Variants in MIIP observed in about 807,000 individuals in gnomAD.
MIIP encodes migration and invasion inhibitory protein.
Under a neutral mutation model 44.8 loss-of-function variants are expected in MIIP, and 44 were observed. That is an observed-to-expected ratio of 0.98 (90% CI 0.77 to 1.26). The LOEUF (loss-of-function observed/expected upper bound fraction) is 1.26, where lower values mean the gene tolerates loss of function less well. MIIP is among the 50% of genes most tolerant of loss of function. MIIP has a pLI of 0.00. For synonymous variants in MIIP, 225 were observed against 218.3 expected, an observed-to-expected ratio of 1.03 and a Z score of -0.27; for missense variants, 496 against 511.7, an observed-to-expected ratio of 0.97 and a Z score of 0.30.
Position 12,030,097 on chromosome 1 carries a change from C to T in MIIP, c.915C>T (p.Asp305=), listed in dbSNP as rs74797667. ...RYHIHRRKSF[D]ASDTLALPRH... is the part of the protein sequence containing the mutation. ...ACATCCACCGGCGAAAGAGCTTTGA[C>T]GCCTCTGACACACTGGCCCTGCCCC... The change falls in exon 8 of 10, where the codon GAC becomes GAT. Residue 305 remains aspartate (D), a synonymous_variant. Transcript: ENST00000235332. 1.4e-3 allele frequency: 2,319 copies of T among 1,613,104 alleles called. 46 individuals carry two copies. The East Asian group carries it at 0.035, about 25-fold the overall frequency.
intron 1 of MIIP, among the ~76,000 whole-genome samples, 193 bp downstream of exon 1, chr1:12,019,745 G>T (rs1639929778): frequency 6.6e-6 from 1 of 152,286 alleles, no homozygotes; most frequent in African/African-American, 2.4e-5. Flanking sequence ...CTGGAGCGTC[G>T]CTTTCCCGGT....
Position 12,025,938 on chromosome 1 carries a change from T to A in MIIP, c.547+3021T>A, listed in dbSNP as rs148291132. Among the ~76,000 whole-genome samples, 3 of 151,942 alleles carry A rather than the reference T, an allele frequency of 2.0e-5. No homozygotes were observed. The East Asian group carries it at 5.9e-4, about 30-fold the overall frequency. ...GTCTCGAACTCCTGACCTCAGGTGATCTGCCCGCCTTGGCCTCCCAAAGTG... is the reference window on the plus strand; with the variant it reads ...GTCTCGAACTCCTGACCTCAGGTGAACTGCCCGCCTTGGCCTCCCAAAGTG... On this transcript the variant is annotated intron_variant, in intron 4 of 9. Coordinates refer to ENST00000235332, the MANE Select transcript of MIIP (RefSeq NM_021933.4).
chr1:12,021,622 G>A (rs1345184747), intron 1 of MIIP, 23 bp from the exon 2 acceptor site: 2 of 964,832 alleles, frequency 2.1e-6, no homozygotes, highest in Admixed American at 2.0e-5. Context: ...ACTGAGCCCC[G>A]TGTCCTGCTG....
intron 6 of MIIP, 176 bp downstream of exon 6, chr1:12,029,457 G>A (rs1640178100): frequency 1.3e-6 from 1 of 778,718 alleles, no homozygotes; most frequent in African/African-American, 1.8e-5. Flanking sequence ...GGTAGGGGTG[G>A]AGTGAGCTAA....
At chr1:12,021,880 C>T in intron 2 of MIIP, 40 bp downstream of exon 2, 1 of 1,510,180 alleles carries the variant, frequency 6.6e-7, no homozygotes, top group East Asian at 2.3e-5. Context: ...AAGGGGCTAC[C>T]TGACCTTCAG....
rs762139722 is a variant in MIIP, at chr1:12,031,447, G to T, written c.1080+44G>T. On this transcript the variant is annotated intron_variant, in intron 9 of 9. Coordinates refer to ENST00000235332, the MANE Select transcript of MIIP (RefSeq NM_021933.4). ...CCTAGCCTGGGGTGCCCCCTAGAGGGACAGAGACCTCGCAGCAGGCCTGGG... is the reference window on the plus strand; with the variant it reads ...CCTAGCCTGGGGTGCCCCCTAGAGGTACAGAGACCTCGCAGCAGGCCTGGG... 5.0e-6 allele frequency: 8 copies of T among 1,593,678 alleles called. No homozygotes were observed. The South Asian group carries it at 8.9e-5, about 18-fold the overall frequency.
Position 12,022,210 on chromosome 1 carries a change from CAG to C in MIIP, c.232_233del (p.Asp78CysfsTer8), listed in dbSNP as rs1228058819. On this transcript the variant is annotated frameshift_variant, in exon 3 of 10. Coordinates refer to ENST00000235332, the MANE Select transcript of MIIP (RefSeq NM_021933.4). LOFTEE classifies it high-confidence loss of function. ...GGCCGGTCCTCCGTGTGGGGCCCAC[CAG>C]ATGCCTGTCGAGGGGACCTCCGTGA... The C allele has an allele frequency of 1.2e-6, 2 of 1,613,048 alleles. No homozygotes were observed. Among genetic ancestry groups the C allele is most frequent in the African/African-American group, 2.7e-5 (2 of 74,930 alleles).
chr1:12,019,638 G>T lies in MIIP; in HGVS notation c.-83+86G>T, dbSNP rs967368070. The T allele has an allele frequency of 2.6e-5, 4 of 152,332 alleles. No homozygotes were observed. In the East Asian group the frequency reaches 5.8e-4, roughly 22 times the overall value. 9.4% of individuals were successfully genotyped at this position (152,332 alleles called of 1,614,324 possible). A position where few individuals can be genotyped will look rare whatever the true frequency, so the allele number is the denominator to read the frequency against. ...CATTCCCGCGAGGGGCTCGGGGGCC[G>T]CAGTGGAAAAGAAGGGTAGGCTGCA... is the stretch of plus-strand genomic sequence containing the variant. On this transcript the variant is annotated intron_variant, in intron 1 of 9. Transcript: ENST00000235332.
chr1:12,031,764 G>T lies in MIIP; in HGVS notation c.1123G>T (p.Val375Leu). Residue 375 changes from valine (V) to leucine (L), a missense_variant, in exon 10 of 10, where the codon GTG (valine) becomes TTG (leucine). Coordinates refer to ENST00000235332, the MANE Select transcript of MIIP (RefSeq NM_021933.4). ...GCTGCCCCCGACCCCGACCTGGTCA[G>T]TGCCCCAGGTCCCTCGGCCCCACGT... ...QMLPPTPTWS[V>L]PQVPRPHVPR... 2 of 1,614,020 alleles carry T rather than the reference G, an allele frequency of 1.2e-6. No individual in the cohort carries two copies. Among genetic ancestry groups the T allele is most frequent in the Non-Finnish European group, 1.7e-6 (2 of 1,179,956 alleles).
At chr1:12,031,168 T>C in intron 8 of MIIP, 98 bp from the exon 9 acceptor site, 2 of 1,440,834 alleles carry the variant, frequency 1.4e-6, no homozygotes, top group Non-Finnish European at 1.9e-6. Flanking sequence ...GGGGGCCTCC[T>C]TCCTAATGGG....
Position 12,022,278 on chromosome 1 carries a change from T to TG in MIIP, c.299dup (p.Cys100TrpfsTer34). On this transcript the variant is annotated frameshift_variant, in exon 3 of 10. Coordinates refer to ENST00000235332, the MANE Select transcript of MIIP (RefSeq NM_021933.4). LOFTEE classifies it high-confidence loss of function. ...GGTGGCCTCTCTCCCACCTGCCAAATGCCAGCACCAGGAGTCCCTGGGCCG... is the reference window on the plus strand; with the variant it reads ...GGTGGCCTCTCTCCCACCTGCCAAATGGCCAGCACCAGGAGTCCCTGGGCCG... 6.2e-7 allele frequency: 1 copy of TG among 1,613,812 alleles called. No homozygotes were observed. The highest frequency in any genetic ancestry group is 8.5e-7 in the Non-Finnish European group (1 of 1,179,968).
intron 1 of MIIP, among the ~76,000 whole-genome samples, chr1:12,021,018 C>T (rs1639962460): frequency 6.6e-6 from 1 of 152,048 alleles, no homozygotes; most frequent in South Asian, 2.1e-4. Flanking sequence ...AACCATGGCT[C>T]ACTGCAGCCT....
chr1:12,028,714 T>A, intron 4 of MIIP: 1 of 281,914 alleles, frequency 3.5e-6, no homozygotes. Context: ...TCTTGCCACC[T>A]TACAGTGTAA....
At chr1:12,026,805 G>C (rs889933092) in intron 4 of MIIP, among the ~76,000 whole-genome samples, 2 of 152,188 alleles carry the variant, frequency 1.3e-5, no homozygotes, top group African/African-American at 4.8e-5. Flanking sequence ...GGCCCGGTGA[G>C]ACAGAATCTT....
chr1:12,029,604 G>A (rs1569931134), intron 6 of MIIP, 161 bp from the exon 7 acceptor site: 1 of 1,036,460 alleles, frequency 9.6e-7, no homozygotes, highest in South Asian at 1.7e-5. Flanking sequence ...TAGGGCGTGG[G>A]CCCCAGGTTC....
At chr1:12,024,938 A>G (rs1349730409) in intron 4 of MIIP, among the ~76,000 whole-genome samples, 2 of 151,366 alleles carry the variant, frequency 1.3e-5, no homozygotes, top group African/African-American at 4.9e-5. Flanking sequence ...GTGAAATCAT[A>G]TAGCCTTTGT....
chr1:12,021,818 C>A lies in MIIP; in HGVS notation c.92C>A (p.Ser31Ter). ...GTGGGGCAGGATGCTGTGCGGCGGTCAGTGGCCAGGGCAGCCTCGGAGGTG... is the reference window on the plus strand; with the variant it reads ...GTGGGGCAGGATGCTGTGCGGCGGTAAGTGGCCAGGGCAGCCTCGGAGGTG... ...LWVGQDAVRRSVARAASESSL... is the reference protein window; with the variant it reads ...LWVGQDAVRR Residue 31 changes from serine to a stop codon, truncating the protein, a stop_gained, in exon 2 of 10, where the codon TCA becomes TAA. Coordinates refer to ENST00000235332, the MANE Select transcript of MIIP (RefSeq NM_021933.4). LOFTEE classifies it high-confidence loss of function. 6.2e-7 allele frequency: 1 copy of A among 1,610,882 alleles called. No homozygotes were observed. Among genetic ancestry groups the A allele is most frequent in the South Asian group, 1.1e-5 (1 of 90,906 alleles).
chr1:12,024,001 T>C (rs12740527), intron 4 of MIIP: 32,455 of 151,324 alleles, frequency 0.21, 3,550 homozygotes, highest in Non-Finnish European at 0.25. Flanking sequence ...CTCCAAAAAA[T>C]AAGCAAGCAA....
At chr1:12,025,028 C>CTTTTT (rs147513513) in intron 4 of MIIP, among the ~76,000 whole-genome samples, 24 of 123,880 alleles carry the variant, frequency 1.9e-4, no homozygotes, top group African/African-American at 2.8e-4. Context: ...AATTCCCTTC[C>CTTTTT]TTTTTTTTTT....
Sources: allele counts gnomAD v4.1 joint callset (sites outside exome capture counted in the v4.1 genomes callset), GRCh38; gene constraint gnomAD v4.1.1; transcripts MANE v1.5; gene names NCBI Gene and HGNC (gene_info 2026-07-23, HGNC 2026-07-21).